KCNH8: variants seen among roughly 807,000 people sequenced by gnomAD.
The protein encoded by KCNH8 is potassium voltage-gated channel subfamily H member 8, also known as voltage-gated delayed rectifier potassium channel KCNH8.
In KCNH8, 70 loss-of-function variants were observed where a neutral mutation model predicts 103.6. The observed-to-expected ratio is 0.68, with a 90% CI of 0.56 to 0.82. The LOEUF (loss-of-function observed/expected upper bound fraction) is 0.82, where lower values mean the gene tolerates loss of function less well. Among genes scored for constraint, KCNH8 ranks in the 40% least tolerant of loss-of-function variants. The pLI, the probability that KCNH8 is intolerant of heterozygous loss-of-function variation, is 0.00. For synonymous variants in KCNH8, 498 were observed against 489.4 expected (o/e 1.02, Z -0.23); for missense variants, 1,217 against 1,329.9 (o/e 0.92, Z 1.32).
intron 11 of KCNH8, among the ~76,000 whole-genome samples, chr3:19,480,210 C>T (rs114410568): frequency 3.9e-5 from 6 of 152,272 alleles, no homozygotes; most frequent in South Asian, 4.2e-4. Context: ...GTGGGTTCTG[C>T]GATGTTTGCT....
chr3:19,271,387 G>A (rs536325099), intron 2 of KCNH8, among the ~76,000 whole-genome samples: 1 of 152,230 alleles, frequency 6.6e-6, no homozygotes, highest in African/African-American at 2.4e-5. Context: ...GATGTTCAAA[G>A]AAACACTGAA....
At chr3:19,458,018 C>G (rs141862479) in intron 11 of KCNH8, among the ~76,000 whole-genome samples, 66 of 152,028 alleles carry the variant, frequency 4.3e-4, no homozygotes, top group African/African-American at 1.5e-3. Flanking sequence ...ATGTGTTAAG[C>G]ACTCTACCTA....
At position 19,533,492 on chromosome 3, in the gene KCNH8, G is replaced by A. The variant is rs780882436; in HGVS notation, c.2717G>A (p.Arg906Gln). The change falls in exon 16 of 16, where the codon CGG becomes CAG. Residue 906 changes from arginine to glutamine, a missense_variant. This residue lies in a region of KCNH8 where 558 missense variants were observed against 495.8 expected (regional missense o/e 1.13). Transcript: ENST00000328405. Reference sequence around the variant, plus strand: ...GTTCTGTCACCTCAGCAGCCATCACGGTTTTGCTCTTTGCACAGCACCTCT... The same window carrying A: ...GTTCTGTCACCTCAGCAGCCATCACAGTTTTGCTCTTTGCACAGCACCTCT... ...ENVLSPQQPS[R>Q]FCSLHSTSVC... 1.7e-4 allele frequency: 267 copies of A among 1,614,032 alleles called. 1 individual carries two copies. Among genetic ancestry groups the A allele is most frequent in the Non-Finnish European group, 2.1e-4 (250 of 1,180,032 alleles).
chr3:19,410,898 C>G (rs1200693374), intron 7 of KCNH8, among the ~76,000 whole-genome samples: 1 of 144,124 alleles, frequency 6.9e-6, no homozygotes, highest in African/African-American at 2.6e-5. Flanking sequence ...AAAAAAAGCC[C>G]TGGACCAGAT....
chr3:19,188,685 A>G (rs1164798079), intron 1 of KCNH8, among the ~76,000 whole-genome samples: 2 of 152,156 alleles, frequency 1.3e-5, no homozygotes, highest in Non-Finnish European at 2.9e-5. Flanking sequence ...TACAATATAA[A>G]ATTACATTAT....
chr3:19,481,392 C>CT (rs1171324583), intron 11 of KCNH8, among the ~76,000 whole-genome samples: 5 of 151,790 alleles, frequency 3.3e-5, no homozygotes, highest in Non-Finnish European at 4.4e-5. Context: ...AAAGTCTAGT[C>CT]TTTTTTTTAA....
chr3:19,320,418 A>G (rs976363235), intron 3 of KCNH8, among the ~76,000 whole-genome samples: 1 of 151,994 alleles, frequency 6.6e-6, no homozygotes, highest in Admixed American at 6.6e-5. Flanking sequence ...TGAGATGATC[A>G]TATGATTTTT....
chr3:19,363,047 G>C lies in KCNH8; in HGVS notation c.811+15082G>C, dbSNP rs1367498080. ...CTAATCTTGGGACTAAGATACACCA[G>C]AACATTGCACAACTCAAAGCTTTCA... is the stretch of plus-strand genomic sequence containing the variant. On this transcript the variant is annotated intron_variant, in intron 5 of 15. Coordinates refer to ENST00000328405, the MANE Select transcript of KCNH8 (RefSeq NM_144633.3). Among the ~76,000 whole-genome samples the C allele has an allele frequency of 9.9e-5, 15 of 152,080 alleles. 1 individual carries two copies. The highest frequency in any genetic ancestry group is 1.5e-5 in the Non-Finnish European group (1 of 67,996).
intron 7 of KCNH8, among the ~76,000 whole-genome samples, chr3:19,409,567 A>T (rs1375291686): frequency 6.6e-6 from 1 of 152,174 alleles, no homozygotes; most frequent in East Asian, 1.9e-4. Flanking sequence ...AAAGTCACAG[A>T]GTAGTAAGTT....
At chr3:19,149,661 AC>A (rs1330436173) in intron 1 of KCNH8, among the ~76,000 whole-genome samples, 1 of 152,136 alleles carries the variant, frequency 6.6e-6, no homozygotes, top group Non-Finnish European at 1.5e-5. Flanking sequence ...GCTGGCTTTA[AC>A]CCTGTAATTA....
At chr3:19,366,787 G>A (rs1372553) in intron 5 of KCNH8, among the ~76,000 whole-genome samples, 21,616 of 151,826 alleles carry the variant, frequency 0.14, 1,661 homozygotes, top group East Asian at 0.31. Flanking sequence ...TCCTCTTCCC[G>A]TCACTCCAAT....
chr3:19,233,061 T>TCCTCC (rs2064015232), intron 1 of KCNH8, among the ~76,000 whole-genome samples: 2 of 62,352 alleles, frequency 3.2e-5, no homozygotes, highest in African/African-American at 6.4e-5. Flanking sequence ...TTGATATTCC[T>TCCTCC]CCCCCCCCCC....
chr3:19,245,543 T>G (rs2064193572), intron 1 of KCNH8, among the ~76,000 whole-genome samples: 1 of 152,214 alleles, frequency 6.6e-6, no homozygotes, highest in African/African-American at 2.4e-5. Context: ...GTAAATTCTT[T>G]TTGATGGTAT....
Position 19,456,961 on chromosome 3 carries a change from C to T in KCNH8, c.2019C>T (p.Leu673=). The change falls in exon 11 of 16, where the codon CTC becomes CTT. Residue 673 remains leucine (L), a synonymous_variant. Coordinates refer to ENST00000328405, the MANE Select transcript of KCNH8 (RefSeq NM_144633.3). ...TTCAGCATGACCTCACATACAACCT[C>T]CGAGAAGGTCATGAGAGTGATGTAA... ...EDIQHDLTYN[L]REGHESDVIS... The T allele has an allele frequency of 6.2e-7, 1 of 1,611,324 alleles. No homozygotes were observed. Among genetic ancestry groups the T allele is most frequent in the South Asian group, 1.1e-5 (1 of 91,000 alleles).
intron 11 of KCNH8, among the ~76,000 whole-genome samples, chr3:19,483,037 A>AT (rs146273945): frequency 0.05 from 7,482 of 148,586 alleles, 528 homozygotes; most frequent in African/African-American, 0.16. Flanking sequence ...TCAGGGGGCT[A>AT]TTTTTTTTTT....
intron 1 of KCNH8, among the ~76,000 whole-genome samples, chr3:19,167,022 T>G (rs1262375041): frequency 1.3e-5 from 2 of 152,218 alleles, no homozygotes; most frequent in African/African-American, 4.8e-5. Context: ...TTAGGTATTG[T>G]GGTATGTTTG....
intron 1 of KCNH8, among the ~76,000 whole-genome samples, chr3:19,220,594 T>C (rs1046168739): frequency 1.3e-5 from 2 of 152,162 alleles, no homozygotes; most frequent in Admixed American, 6.5e-5. Context: ...ACACTGATTT[T>C]TTTTTTCAGC....
At chr3:19,161,487 T>C (rs971185720) in intron 1 of KCNH8, among the ~76,000 whole-genome samples, 1 of 152,230 alleles carries the variant, frequency 6.6e-6, no homozygotes, top group African/African-American at 2.4e-5. Context: ...TAATGTGTTG[T>C]TATTAGTAAC....
At chr3:19,427,110 A>G (rs1376435117) in intron 7 of KCNH8, among the ~76,000 whole-genome samples, 2 of 152,230 alleles carry the variant, frequency 1.3e-5, no homozygotes, top group Non-Finnish European at 2.9e-5. Context: ...TCAAAAGAAG[A>G]TGGGGAGTTA....
Sources: gnomAD v4.1 joint callset for allele counts (sites outside exome capture counted in the v4.1 genomes callset) on GRCh38, gnomAD v4.1.1 for gene constraint, gnomAD v4.1.1 regional missense constraint, MANE v1.5 for transcripts, NCBI Gene and HGNC (gene_info 2026-07-23, HGNC 2026-07-21) for gene names.